Variants in MCF2L observed in about 807,000 individuals in gnomAD.
MCF2L encodes the protein guanine nucleotide exchange factor DBS.
A neutral mutation model predicts 153.4 loss-of-function variants in MCF2L; 97 were observed. The ratio of observed to expected loss-of-function variants is 0.63; its 90% CI spans 0.54 to 0.75. The LOEUF is 0.75. Among genes scored for constraint, MCF2L ranks in the 30% least tolerant of loss-of-function variants. The pLI is 0.00. For missense variants in MCF2L, 1,347 were observed against 1,495.2 expected, an observed-to-expected ratio of 0.90 and a Z score of 1.64; for synonymous variants, 659 against 632.2, an observed-to-expected ratio of 1.04 and a Z score of -0.64.
At position 113,046,105 on chromosome 13, in the gene MCF2L, T is replaced by C. The variant is rs934684273; in HGVS notation, c.369+744T>C. 6.3e-6 allele frequency: 1 copy of C among 158,508 alleles called. No homozygotes were observed. Among genetic ancestry groups the C allele is most frequent in the Non-Finnish European group, 1.4e-5 (1 of 72,412 alleles). The allele number at this position is 158,508 out of a possible 1,614,324, so 9.8% of individuals were successfully genotyped here. A position where few individuals can be genotyped will look rare whatever the true frequency, so the allele number is the denominator to read the frequency against. Reference sequence around the variant, plus strand: ...TGTTGGTTTTAACCCAGAGTAATCATTTAAGAGGGAAGAGATTAAGTCAGC... The same window carrying C: ...TGTTGGTTTTAACCCAGAGTAATCACTTAAGAGGGAAGAGATTAAGTCAGC... On this transcript the variant is annotated intron_variant, in intron 4 of 29. Transcript: ENST00000535094. This position sits in a 1 kb window ranked among gnomAD's most constrained non-coding sequence, Gnocchi z 4.4.
chr13:113,093,189 C>A (rs1364678905), intron 26 of MCF2L, among the ~76,000 whole-genome samples: 3 of 152,252 alleles, frequency 2.0e-5, no homozygotes, highest in Non-Finnish European at 2.9e-5. Context: ...GGCCCCCACC[C>A]TTGCTGTCTC....
At chr13:113,072,740 T>C (rs939437277) in intron 9 of MCF2L, among the ~76,000 whole-genome samples, 1 of 152,204 alleles carries the variant, frequency 6.6e-6, no homozygotes, top group African/African-American at 2.4e-5. Context: ...TTTCCTTTTT[T>C]CTTTGTCAAT....
intron 9 of MCF2L, among the ~76,000 whole-genome samples, chr13:113,072,985 C>G (rs2033067352): frequency 6.6e-6 from 1 of 151,152 alleles, no homozygotes; most frequent in Non-Finnish European, 1.5e-5. Flanking sequence ...TAGCTGTGTT[C>G]CACAAATTTT....
Position 113,045,246 on chromosome 13 carries a change from C to A in MCF2L, c.279-25C>A. On this transcript the variant is annotated intron_variant, in intron 3 of 29. Coordinates refer to ENST00000535094, the MANE Select transcript of MCF2L (RefSeq NM_001112732.3). The surrounding 1 kb of genome is among the most constrained non-coding windows in gnomAD (Gnocchi z 4.2). ...CCGGCTTCCCACCTGCACACATTAACGGCGGCGTCTCTTCCTCACTGCAGC... is the reference window on the plus strand; with the variant it reads ...CCGGCTTCCCACCTGCACACATTAAAGGCGGCGTCTCTTCCTCACTGCAGC... 6.3e-7 allele frequency: 1 copy of A among 1,588,014 alleles called. No individual in the cohort carries two copies.
Position 113,087,285 on chromosome 13 carries a change from C to T in MCF2L, c.2424C>T (p.Val808=), listed in dbSNP as rs144080077. The part of the protein sequence containing the change: ...GKLLMQGSFS[V]WTDHKRGHTK... ...TGCTGATGCAGGGCTCGTTCAGCGT[C>T]TGGACCGACCACAAGAGGGGCCACA... Residue 808 remains valine (V), a synonymous_variant, in exon 22 of 30, where the codon GTC becomes GTT. Transcript: ENST00000535094. 2.5e-6 allele frequency: 4 copies of T among 1,612,956 alleles called. No individual in the cohort carries two copies. In the African/African-American group the frequency reaches 5.3e-5, roughly 22 times the overall value.
intron 26 of MCF2L, among the ~76,000 whole-genome samples, chr13:113,092,241 C>T (rs974898115): frequency 1.3e-5 from 2 of 152,262 alleles, no homozygotes; most frequent in African/African-American, 4.8e-5. Context: ...TGCACTTTGG[C>T]CAAGCTCAGC....
At chr13:113,056,066 T>G (rs1463734782) in intron 4 of MCF2L, among the ~76,000 whole-genome samples, 1 of 152,196 alleles carries the variant, frequency 6.6e-6, no homozygotes, top group East Asian at 1.9e-4. Context: ...GCAATGCAGA[T>G]GAAGCAGAGG....
chr13:113,044,131 A>G (rs1384867340), intron 3 of MCF2L: 3 of 173,246 alleles, frequency 1.7e-5, no homozygotes, highest in Admixed American at 5.4e-5. Flanking sequence ...CTTAGTGCCC[A>G]CTGCAGAAGG....
intron 1 of MCF2L, among the ~76,000 whole-genome samples, chr13:112,996,421 C>T (rs1028678379): frequency 6.6e-6 from 1 of 152,222 alleles, no homozygotes; most frequent in African/African-American, 2.4e-5. Flanking sequence ...CCCGACACGC[C>T]AGGATGGGCC....
At position 112,989,183 on chromosome 13, in the gene MCF2L, G is replaced by T. The variant is rs111521794; in HGVS notation, c.79+19725G>T. ...GAGCAGGGGATGGAGCTACCACACC[G>T]GAGTCCTCCCTGAGCAGGGGATGGA... On this transcript the variant is annotated intron_variant, in intron 1 of 29. Coordinates refer to ENST00000535094, the MANE Select transcript of MCF2L (RefSeq NM_001112732.3). Among the ~76,000 whole-genome samples, 121 of 22,770 alleles carry T rather than the reference G, an allele frequency of 5.3e-3. 1 individual carries two copies. Among genetic ancestry groups the T allele is most frequent in the East Asian group, 8.7e-3 (8 of 924 alleles). 14.9% of individuals were successfully genotyped at this position (22,770 alleles called of 152,430 possible).
At chr13:112,910,978 G>T (rs987855969) in intron 2 of MCF2L, among the ~76,000 whole-genome samples, 1 of 121,148 alleles carries the variant, frequency 8.3e-6, no homozygotes, top group Admixed American at 1.1e-4. Flanking sequence ...AGGCCAGGGG[G>T]CCCAGCACTT....
intron 1 of MCF2L, among the ~76,000 whole-genome samples, chr13:113,002,164 G>A (rs1322985719): frequency 6.6e-6 from 1 of 152,216 alleles, no homozygotes. Flanking sequence ...CGAGACCAGA[G>A]GAGCCCTGTT....
At chr13:112,957,593 G>T (rs1465932282) in intron 2 of MCF2L, 8 of 152,164 alleles carry the variant, frequency 5.3e-5, no homozygotes, top group African/African-American at 1.9e-4. Context: ...GCTGTTTCAA[G>T]GTCTTATTCC....
At chr13:112,985,111 T>C (rs1161599490) in intron 1 of MCF2L, 1 of 291,812 alleles carries the variant, frequency 3.4e-6, no homozygotes, top group Non-Finnish European at 6.9e-6. Context: ...TAGCTCAGGC[T>C]TGTTCCTTTT....
At chr13:112,895,839 G>A (rs549901910) in intron 1 of MCF2L, among the ~76,000 whole-genome samples, 1 of 151,994 alleles carries the variant, frequency 6.6e-6, no homozygotes, top group Non-Finnish European at 1.5e-5. Context: ...AGGCGTCCCC[G>A]ATTTCACCGG....
intron 2 of MCF2L, among the ~76,000 whole-genome samples, chr13:112,928,354 C>T (rs1202358565): frequency 6.6e-6 from 1 of 152,216 alleles, no homozygotes; most frequent in Non-Finnish European, 1.5e-5. Context: ...TGCTTGATTC[C>T]TCAGTCTTCT....
chr13:113,083,882 G>T, intron 17 of MCF2L, 116 bp from the exon 18 acceptor site: 1 of 788,264 alleles, frequency 1.3e-6, no homozygotes, highest in Non-Finnish European at 2.3e-6. Flanking sequence ...GTCATGCGGG[G>T]CAGATTGCCC....
chr13:113,036,091 A>G (rs1397655648), intron 3 of MCF2L, among the ~76,000 whole-genome samples: 3 of 152,166 alleles, frequency 2.0e-5, no homozygotes, highest in East Asian at 1.9e-4. Context: ...TTGTTATTAT[A>G]GACAACACTC....
chr13:112,979,775 T>A (rs1177840348), intron 1 of MCF2L: 28 of 1,605,304 alleles, frequency 1.7e-5, no homozygotes, highest in Non-Finnish European at 2.4e-5. Flanking sequence ...TACAATGGGG[T>A]CGCAGGGCAT....
Sources: allele counts gnomAD v4.1 joint callset (sites outside exome capture counted in the v4.1 genomes callset), GRCh38; gene constraint gnomAD v4.1.1; non-coding constraint Gnocchi (gnomAD v3.1); transcripts MANE v1.5; gene names NCBI Gene and HGNC (gene_info 2026-07-23, HGNC 2026-07-21).